RFC4: variants seen among roughly 807,000 people sequenced by gnomAD.
The protein encoded by RFC4 is replication factor C subunit 4.
Under a neutral mutation model 47.6 loss-of-function variants are expected in RFC4, and 38 were observed. That is an observed-to-expected ratio of 0.80 (90% CI 0.62 to 1.05). The LOEUF (loss-of-function observed/expected upper bound fraction) is 1.05. RFC4 is among the 50% of genes least tolerant of loss of function. The probability of loss-of-function intolerance (pLI) is 0.00; values close to 1 mark genes in which losing one functional copy is unlikely to be tolerated. For missense variants in RFC4, 489 were observed against 434.0 expected, an observed-to-expected ratio of 1.13 and a Z score of -1.13; for synonymous variants, 164 against 150.0, an observed-to-expected ratio of 1.09 and a Z score of -0.68.
intron 1 of RFC4, among the ~76,000 whole-genome samples, chr3:186,805,173 A>T (rs1322496710): frequency 6.6e-6 from 1 of 152,104 alleles, no homozygotes; most frequent in Non-Finnish European, 1.5e-5. Context: ...TTGCACCACA[A>T]ATGAGAACCT....
At chr3:186,790,815 T>G (rs1293774808) in intron 8 of RFC4, among the ~76,000 whole-genome samples, 2 of 152,180 alleles carry the variant, frequency 1.3e-5, no homozygotes, top group Non-Finnish European at 2.9e-5. Flanking sequence ...CTAATGAGAT[T>G]GGTTTAAAAA....
intron 8 of RFC4, 39 bp downstream of exon 8, chr3:186,791,686 G>C: frequency 6.2e-7 from 1 of 1,602,120 alleles, no homozygotes; most frequent in Non-Finnish European, 8.5e-7. Context: ...CCACAAAAAA[G>C]CCAACTAAAA....
Position 186,804,619 on chromosome 3 carries a change from T to G in RFC4, c.95A>C (p.Asn32Thr), listed in dbSNP as rs1336014170. ...CCAGGGAACGGGTTTGGCTTTCTTG[T>G]TCTCTCCGCTACTTCCCGCACTGGC... ...VAASAGSSGE[N>T]KKAKPVPWVE... Residue 32 changes from asparagine to threonine, a missense_variant, in exon 2 of 11, where the codon AAC (asparagine) becomes ACC (threonine). Physicochemically the swap from Asn to Thr is moderately conservative, Grantham distance 65 (BLOSUM62 0). This residue lies in a region of RFC4 where 206 missense variants were observed against 257.8 expected (regional missense o/e 0.80). Coordinates refer to ENST00000296273, the MANE Select transcript of RFC4 (RefSeq NM_002916.5). 1 of 1,614,068 alleles carries G rather than the reference T, an allele frequency of 6.2e-7. No individual in the cohort carries two copies. The highest frequency in any genetic ancestry group is 1.3e-5 in the African/African-American group (1 of 74,922).
chr3:186,791,060 A>T (rs1318835270), intron 8 of RFC4, among the ~76,000 whole-genome samples: 1 of 149,972 alleles, frequency 6.7e-6, no homozygotes, highest in African/African-American at 2.5e-5. Context: ...GGGGTACTCC[A>T]TTCTCTTTAA....
chr3:186,804,590 C>T lies in RFC4; in HGVS notation c.124G>A (p.Glu42Lys). 1.2e-6 allele frequency: 2 copies of T among 1,613,664 alleles called. No individual in the cohort carries two copies. The highest frequency in any genetic ancestry group is 1.7e-6 in the Non-Finnish European group (2 of 1,179,870). The change falls in exon 2 of 11, where the codon GAA becomes AAA. Residue 42 changes from glutamate to lysine, a missense_variant. Physicochemically the swap from Glu to Lys is moderately conservative, Grantham distance 56. Around this residue, in one of 2 missense-constraint regions of RFC4, gnomAD observed 206 missense variants for 257.8 expected, o/e 0.80. Coordinates refer to ENST00000296273, the MANE Select transcript of RFC4 (RefSeq NM_002916.5). ...AGACACAAGTGTTCTTACTATTTTT[C>T]CACCCAGGGAACGGGTTTGGCTTTC... ...NKKAKPVPWV[E>K]KYRPKCVDEV...
rs1214463227 is a variant in RFC4 at position 186,793,824 on chromosome 3, G to A, written c.410+834C>T. Among the ~76,000 whole-genome samples the A allele has an allele frequency of 2.0e-5, 3 of 151,534 alleles. No individual in the cohort carries two copies. The highest frequency in any genetic ancestry group is 4.4e-5 in the Non-Finnish European group (3 of 67,972). ...TGCAAGCTCTGCCTCCTGGGTTCAC[G>A]CCATACTCCTGCCTCAGCCTCCCGA... On this transcript the variant is annotated intron_variant, in intron 5 of 10. Transcript: ENST00000296273. The surrounding 1 kb of genome is among the most constrained non-coding windows in gnomAD (Gnocchi z 4.2).
At chr3:186,795,252 A>C (rs1025962583) in intron 4 of RFC4, among the ~76,000 whole-genome samples, 1 of 152,200 alleles carries the variant, frequency 6.6e-6, no homozygotes, top group Non-Finnish European at 1.5e-5. Flanking sequence ...TGGCCTCCCA[A>C]AATGTTGGGA....
At chr3:186,797,314 C>G (rs1722262705) in intron 4 of RFC4, among the ~76,000 whole-genome samples, 1 of 152,188 alleles carries the variant, frequency 6.6e-6, no homozygotes, top group African/African-American at 2.4e-5. Context: ...GCTCCCCACA[C>G]TTGAACAAGA....
Position 186,791,807 on chromosome 3 carries a change from TTTC to T in RFC4, c.716_718del (p.Arg239del). The stretch of plus-strand genomic sequence containing the variant: ...AGCGCTTTGAAGAAATGTAATGGCT[TTTC>T]TTAAGTCTCCTTCTGACACTTTAAC... On this transcript the variant is annotated inframe_deletion, in exon 8 of 11. Transcript: ENST00000296273. 1 of 1,612,302 alleles carries T rather than the reference TTTC, an allele frequency of 6.2e-7. No individual in the cohort carries two copies. Among genetic ancestry groups the T allele is most frequent in the Non-Finnish European group, 8.5e-7 (1 of 1,178,380 alleles).
At position 186,795,321 on chromosome 3, in the gene RFC4, C is replaced by T. The variant is rs1722221827; in HGVS notation, c.291-544G>A. 1.3e-5 allele frequency among the ~76,000 whole-genome samples: 2 copies of T among 152,304 alleles called. 1 individual carries two copies. The highest frequency in any genetic ancestry group is 4.1e-4 in the South Asian group (2 of 4,830). On this transcript the variant is annotated intron_variant, in intron 4 of 10. Coordinates refer to ENST00000296273, the MANE Select transcript of RFC4 (RefSeq NM_002916.5). ...TATAAAATTTTAAATCGATTTTCCA[C>T]TTTGCATTTATAATAAGTATCTTGG...
At chr3:186,798,942 A>G (rs1337753806) in intron 3 of RFC4, among the ~76,000 whole-genome samples, 2 of 152,250 alleles carry the variant, frequency 1.3e-5, no homozygotes, top group Non-Finnish European at 2.9e-5. Context: ...TGGCCAAATG[A>G]ATGAATAAAC....
intron 2 of RFC4, chr3:186,801,489 G>A (rs554004469): frequency 3.5e-6 from 1 of 285,188 alleles, no homozygotes; most frequent in East Asian, 8.4e-5. Flanking sequence ...ACACTAATTA[G>A]AAATTAAAGT....
rs762861739 is a variant in RFC4, at chr3:186,796,269, T to A, written c.290+1266A>T. Among the ~76,000 whole-genome samples, 40 of 152,234 alleles carry A rather than the reference T, an allele frequency of 2.6e-4. No individual in the cohort carries two copies. The highest frequency in any genetic ancestry group is 5.1e-4 in the Non-Finnish European group (35 of 68,034). On this transcript the variant is annotated intron_variant, in intron 4 of 10. Transcript: ENST00000296273. This position sits in a 1 kb window ranked among gnomAD's most constrained non-coding sequence, Gnocchi z 4.2. ...ATAGAAAAAGTTGTATAATCTGGAC[T>A]GACCTACTCTAAGTAATAATAAACA...
At chr3:186,804,847 T>G (rs1722443005) in intron 1 of RFC4, 123 bp from the exon 2 acceptor site, 1 of 840,940 alleles carries the variant, frequency 1.2e-6, no homozygotes, top group Non-Finnish European at 1.9e-6. Flanking sequence ...GAAAATAAAC[T>G]TAGCCTTGTG....
chr3:186,793,944 G>A lies in RFC4; in HGVS notation c.410+714C>T, dbSNP rs1190065567. ...TCACCATGTTCGCCAGGATGGTCTC[G>A]ATCTCCTGACCTTGTGATCCACCTG... On this transcript the variant is annotated intron_variant, in intron 5 of 10. Transcript: ENST00000296273. The surrounding 1 kb of genome is among the most constrained non-coding windows in gnomAD (Gnocchi z 4.2). Among the ~76,000 whole-genome samples, 3 of 152,082 alleles carry A rather than the reference G, an allele frequency of 2.0e-5. No homozygotes were observed. Among genetic ancestry groups the A allele is most frequent in the South Asian group, 2.1e-4 (1 of 4,828 alleles).
intron 1 of RFC4, among the ~76,000 whole-genome samples, chr3:186,805,831 C>T (rs1722467756): frequency 6.6e-6 from 1 of 152,160 alleles, no homozygotes; most frequent in African/African-American, 2.4e-5. Flanking sequence ...GCTACATGCC[C>T]TGGTGCCTAG....
chr3:186,791,866 T>A lies in RFC4; in HGVS notation c.676-16A>T. 1.2e-6 allele frequency: 2 copies of A among 1,607,074 alleles called. No homozygotes were observed. The highest frequency in any genetic ancestry group is 1.7e-6 in the Non-Finnish European group (2 of 1,175,782). ...AAGCTATTCCCTGAAGAGAAAAGAGTTGTTTTTAACCTATGATGGCCAATT... is the reference window on the plus strand; with the variant it reads ...AAGCTATTCCCTGAAGAGAAAAGAGATGTTTTTAACCTATGATGGCCAATT... On this transcript the variant is annotated splice_polypyrimidine_tract_variant and intron_variant, in intron 7 of 10. Transcript: ENST00000296273.
rs932242319 is a variant in RFC4 at position 186,796,947 on chromosome 3, G to C, written c.290+588C>G. Among the ~76,000 whole-genome samples, 3 of 152,184 alleles carry C rather than the reference G, an allele frequency of 2.0e-5. No homozygotes were observed. The highest frequency in any genetic ancestry group is 4.4e-5 in the Non-Finnish European group (3 of 68,032). On this transcript the variant is annotated intron_variant, in intron 4 of 10. Coordinates refer to ENST00000296273, the MANE Select transcript of RFC4 (RefSeq NM_002916.5). The surrounding 1 kb of genome is among the most constrained non-coding windows in gnomAD (Gnocchi z 4.2). ...GTAAAGGGCTCCTCTAGAATGGCTG[G>C]TTAAGCCAAGATGGTCAATCTAGGA...
At chr3:186,799,586 G>GCCTGTGTGTGGTACAGGCACACA (rs1213126803) in intron 3 of RFC4, among the ~76,000 whole-genome samples, 2 of 152,104 alleles carry the variant, frequency 1.3e-5, no homozygotes, top group Non-Finnish European at 2.9e-5. Context: ...GGTGGTGCAT[G>GCCTGTGTGTGGTACAGGCACACA]CCTGTAGTCC....
Sources: allele counts gnomAD v4.1 joint callset (sites outside exome capture counted in the v4.1 genomes callset), GRCh38; gene constraint gnomAD v4.1.1; regional missense constraint gnomAD v4.1.1; non-coding constraint Gnocchi (gnomAD v3.1); transcripts MANE v1.5; gene names NCBI Gene and HGNC (gene_info 2026-07-23, HGNC 2026-07-21).